The following HEMK2 variants were observed in gnomAD, a reference collection of about 807,000 sequenced individuals.
HEMK2 encodes methyltransferase HEMK2.
chr21:28,635,441 C>A, the HEMK2 span, among the ~76,000 whole-genome samples: 1 of 151,928 alleles, frequency 6.6e-6, no homozygotes, highest in Non-Finnish European at 1.5e-5. Context: ...GCACTTAAAT[C>A]AAAGGAAGTA....
the HEMK2 span, among the ~76,000 whole-genome samples, chr21:28,620,326 A>ATTC: frequency 2.6e-5 from 4 of 152,166 alleles, no homozygotes; most frequent in Non-Finnish European, 4.4e-5. Context: ...TTTTTGGAAT[A>ATTC]GTTTAAGAAG....
At chr21:28,621,562 A>T in the HEMK2 span, among the ~76,000 whole-genome samples, 1 of 152,190 alleles carries the variant, frequency 6.6e-6, no homozygotes, top group Non-Finnish European at 1.5e-5. Flanking sequence ...GCTGAGTCCA[A>T]AAAAGGAGTC....
At chr21:28,872,291 C>A in the HEMK2 span, 1 of 152,206 alleles carries the variant, frequency 6.6e-6, no homozygotes, top group Non-Finnish European at 1.5e-5. Flanking sequence ...GCCAGGCCAC[C>A]ACACACGAGC....
the HEMK2 span, among the ~76,000 whole-genome samples, chr21:28,858,487 T>C: frequency 6.6e-6 from 1 of 152,176 alleles, no homozygotes; most frequent in Non-Finnish European, 1.5e-5. Context: ...GACTTGCTTA[T>C]AGATCACATT....
chr21:28,810,128 C>T, the HEMK2 span, among the ~76,000 whole-genome samples: 2 of 152,298 alleles, frequency 1.3e-5, no homozygotes, highest in African/African-American at 4.8e-5. Context: ...CTCCATTAAG[C>T]AGTATCCATG....
At chr21:28,582,634 T>C in the HEMK2 span, among the ~76,000 whole-genome samples, 1 of 152,084 alleles carries the variant, frequency 6.6e-6, no homozygotes, top group Non-Finnish European at 1.5e-5. Flanking sequence ...GAGTACATAG[T>C]AGAGAATACA....
the HEMK2 span, among the ~76,000 whole-genome samples, chr21:28,654,608 C>A: frequency 6.6e-6 from 1 of 151,120 alleles, no homozygotes; most frequent in Admixed American, 6.6e-5. Context: ...AAAAATAAAA[C>A]ACACATTTTA....
chr21:28,838,412 T>C, the HEMK2 span, among the ~76,000 whole-genome samples: 3 of 151,862 alleles, frequency 2.0e-5, no homozygotes, highest in East Asian at 5.8e-4. Context: ...CAGGCGCCTA[T>C]AGTCCCAGCT....
the HEMK2 span, among the ~76,000 whole-genome samples, chr21:28,852,790 G>T: frequency 1.1e-4 from 16 of 152,268 alleles, no homozygotes; most frequent in Middle Eastern, 3.4e-3. Flanking sequence ...TATAAATTAA[G>T]TAAGAATGCA....
chr21:28,779,016 A>G, the HEMK2 span, among the ~76,000 whole-genome samples: 2 of 152,202 alleles, frequency 1.3e-5, no homozygotes, highest in Non-Finnish European at 2.9e-5. Context: ...CCATAGGACA[A>G]GGAGACTTGA....
At chr21:28,885,234 C>T in the HEMK2 span, 1 of 1,588,030 alleles carries the variant, frequency 6.3e-7, no homozygotes, top group Non-Finnish European at 8.6e-7. Context: ...GCAGCCGCTG[C>T]CTCCAGCGCG....
At chr21:28,840,656 C>T in the HEMK2 span, among the ~76,000 whole-genome samples, 1 of 151,960 alleles carries the variant, frequency 6.6e-6, no homozygotes, top group Admixed American at 6.6e-5. Flanking sequence ...GCAATACTAC[C>T]TCACTCCTGC....
At chr21:28,596,439 C>A in the HEMK2 span, among the ~76,000 whole-genome samples, 1 of 152,200 alleles carries the variant, frequency 6.6e-6, no homozygotes, top group Admixed American at 6.5e-5. Flanking sequence ...TAAATCCCTA[C>A]ATTTTGTTCT....
chr21:28,693,807 T>C, the HEMK2 span, among the ~76,000 whole-genome samples: 1 of 152,166 alleles, frequency 6.6e-6, no homozygotes, highest in Non-Finnish European at 1.5e-5. Flanking sequence ...GATGCACATA[T>C]ATCACCTCTT....
the HEMK2 span, among the ~76,000 whole-genome samples, chr21:28,700,110 G>A: frequency 6.6e-6 from 1 of 152,092 alleles, no homozygotes; most frequent in South Asian, 2.1e-4. Context: ...TGCATCCCCA[G>A]GGTGTCCCCA....
chr21:28,816,548 G>A, the HEMK2 span, among the ~76,000 whole-genome samples: 1 of 152,114 alleles, frequency 6.6e-6, no homozygotes, highest in Admixed American at 6.5e-5. Flanking sequence ...AGGCATGGTG[G>A]CATACGCTTG....
At chr21:28,718,240 C>T in the HEMK2 span, among the ~76,000 whole-genome samples, 12 of 152,192 alleles carry the variant, frequency 7.9e-5, no homozygotes, top group Admixed American at 5.9e-4. Flanking sequence ...TTTGAGAGAT[C>T]TTCTTGGCAT....
At chr21:28,714,296 T>C in the HEMK2 span, among the ~76,000 whole-genome samples, 2 of 152,382 alleles carry the variant, frequency 1.3e-5, no homozygotes, top group South Asian at 4.1e-4. Context: ...ATTCTAGATA[T>C]ATTATTTCTA....
the HEMK2 span, among the ~76,000 whole-genome samples, chr21:28,865,866 C>T: frequency 1.6e-4 from 24 of 152,186 alleles, no homozygotes; most frequent in African/African-American, 5.5e-4. Flanking sequence ...AAACTGTAGC[C>T]ACATATCCCC....
Sources: gnomAD v4.1 joint callset for allele counts (sites outside exome capture counted in the v4.1 genomes callset) on GRCh38, gnomAD v4.1.1 for gene constraint, MANE v1.5 for transcripts, NCBI Gene and HGNC (gene_info 2026-07-23, HGNC 2026-07-21) for gene names.